The following SGCD variants were observed in gnomAD, a reference collection of about 807,000 sequenced individuals.
SGCD encodes sarcoglycan delta.
In SGCD, 18 loss-of-function variants were observed where a neutral mutation model predicts 36.6. The observed-to-expected ratio is 0.49, with a 90% CI of 0.34 to 0.73. The LOEUF is 0.73. Ranked by LOEUF, SGCD falls within the 30% of genes least tolerant of loss-of-function variation. The pLI, the probability that SGCD is intolerant of heterozygous loss-of-function variation, is 0.01. For missense variants in SGCD, 387 were observed against 346.7 expected (o/e 1.12, Z -0.92); for synonymous variants, 133 against 130.6 (o/e 1.02, Z -0.12).
In SGCD at chr5:156,510,233, T is replaced by G. The variant is rs74906533; in HGVS notation, c.294+1531T>G. ...AACTGGAACCTATAGCATATTGTCT[T>G]GGGTACTTAAAGTACACAGAGTATT... On this transcript the variant is annotated intron_variant, in intron 4 of 8. Transcript: ENST00000337851. Among the ~76,000 whole-genome samples, 1,115 of 152,320 alleles carry G rather than the reference T, an allele frequency of 7.3e-3. 12 individuals are homozygous for G. Among genetic ancestry groups the G allele is most frequent in the African/African-American group, 0.025 (1,058 of 41,574 alleles).
chr5:156,477,952 C>T (rs771871039), intron 3 of SGCD, among the ~76,000 whole-genome samples: 12 of 151,926 alleles, frequency 7.9e-5, no homozygotes, highest in Non-Finnish European at 1.5e-4. Context: ...ATCAAACTGT[C>T]GTCACCATTT....
chr5:155,955,048 T>C (rs749264395), intron 1 of SGCD, among the ~76,000 whole-genome samples: 14 of 152,134 alleles, frequency 9.2e-5, no homozygotes, highest in Non-Finnish European at 1.6e-4. Flanking sequence ...CCATCCTACT[T>C]GCAGGAGGGT....
At chr5:156,087,449 G>A (rs999941533) in intron 1 of SGCD, among the ~76,000 whole-genome samples, 5 of 151,758 alleles carry the variant, frequency 3.3e-5, no homozygotes, top group Admixed American at 2.6e-4. Flanking sequence ...GACCAGCCTC[G>A]CCAACATGGT....
At chr5:155,777,599 A>G in the SGCD span, among the ~76,000 whole-genome samples, 50 of 152,108 alleles carry the variant, frequency 3.3e-4, no homozygotes, top group African/African-American at 1.2e-3. Context: ...TAAGCGACCT[A>G]TCCCACTGAG....
chr5:156,636,683 C>T (rs1451217579), intron 6 of SGCD, among the ~76,000 whole-genome samples: 1 of 152,116 alleles, frequency 6.6e-6, no homozygotes, highest in Non-Finnish European at 1.5e-5. Flanking sequence ...TAAGCAAAGG[C>T]AAGGACATGG....
chr5:156,518,558 C>T (rs1469968575), intron 4 of SGCD, among the ~76,000 whole-genome samples: 1 of 152,150 alleles, frequency 6.6e-6, no homozygotes, highest in Non-Finnish European at 1.5e-5. Flanking sequence ...CCATATGGCA[C>T]TTACTGTAAA....
intron 4 of SGCD, among the ~76,000 whole-genome samples, chr5:156,555,677 T>C (rs1269793125): frequency 2.9e-4 from 44 of 152,080 alleles, no homozygotes; most frequent in Non-Finnish European, 4.4e-5. Flanking sequence ...TGTTCTTTTT[T>C]TTTTTTCAAG....
the SGCD span, among the ~76,000 whole-genome samples, chr5:155,742,435 A>G: frequency 6.6e-6 from 1 of 152,206 alleles, no homozygotes; most frequent in Non-Finnish European, 1.5e-5. Context: ...GAAGCAGTAA[A>G]TACTTACCCA....
chr5:156,536,494 G>A (rs1388906667), intron 4 of SGCD, among the ~76,000 whole-genome samples: 1 of 152,172 alleles, frequency 6.6e-6, no homozygotes, highest in Non-Finnish European at 1.5e-5. Flanking sequence ...ATAAATGTAC[G>A]ATTAATGTAT....
chr5:155,923,117 C>T (rs1638320015), intron 1 of SGCD, among the ~76,000 whole-genome samples: 1 of 152,114 alleles, frequency 6.6e-6, no homozygotes, highest in Non-Finnish European at 1.5e-5. Flanking sequence ...TCATACTACG[C>T]AAAGGTGAGC....
At chr5:156,074,974 T>G (rs1760727530) in intron 1 of SGCD, among the ~76,000 whole-genome samples, 1 of 152,248 alleles carries the variant, frequency 6.6e-6, no homozygotes, top group Non-Finnish European at 1.5e-5. Flanking sequence ...TGTGACAAAC[T>G]GTCTTTTAAA....
intron 7 of SGCD, among the ~76,000 whole-genome samples, chr5:156,708,082 G>C (rs901129361): frequency 6.6e-6 from 1 of 152,084 alleles, no homozygotes; most frequent in African/African-American, 2.4e-5. Flanking sequence ...GGGTTACTTG[G>C]TGTTACTTGT....
chr5:156,312,470 T>A (rs191858870), intron 3 of SGCD, among the ~76,000 whole-genome samples: 2 of 152,318 alleles, frequency 1.3e-5, no homozygotes, highest in Admixed American at 1.3e-4. Flanking sequence ...TACAAAGTGC[T>A]ATTAAAATTA....
chr5:156,078,440 G>A (rs555576794), intron 1 of SGCD, among the ~76,000 whole-genome samples: 95 of 150,422 alleles, frequency 6.3e-4, no homozygotes, highest in African/African-American at 2.3e-3. Context: ...TTGAACTTGG[G>A]AGGCAGAGGT....
At chr5:155,866,174 T>A (rs1250625924), upstream of SGCD, among the ~76,000 whole-genome samples, 7 of 152,166 alleles carry the variant, frequency 4.6e-5, no homozygotes, top group Non-Finnish European at 2.9e-5. Flanking sequence ...ATATGATTAA[T>A]CATTTTTACT....
At position 156,757,650 on chromosome 5, in the gene SGCD, C is replaced by A; in HGVS notation, c.645C>A (p.Gly215=). The change falls in exon 8 of 9, where the codon GGC becomes GGA. Residue 215 remains glycine, a synonymous_variant. Coordinates refer to ENST00000337851, the MANE Select transcript of SGCD (RefSeq NM_000337.6). ...GAGTGGAAATCAATGCAGAAGCTGG[C>A]AATATGGAAGCCACCTGCAGGACAG... is the stretch of plus-strand genomic sequence containing the variant. ...PKGVEINAEA[G]NMEATCRTEL... 1 of 1,610,444 alleles carries A rather than the reference C, an allele frequency of 6.2e-7. No homozygotes were observed. Among genetic ancestry groups the A allele is most frequent in the Non-Finnish European group, 8.5e-7 (1 of 1,178,422 alleles).
chr5:156,444,916 T>C (rs1753697642), intron 3 of SGCD, among the ~76,000 whole-genome samples: 1 of 152,186 alleles, frequency 6.6e-6, no homozygotes, highest in Non-Finnish European at 1.5e-5. Context: ...TAAGTAGTTT[T>C]ACAGATGGTG....
chr5:156,444,711 G>A (rs772318738), intron 3 of SGCD, among the ~76,000 whole-genome samples: 32 of 152,022 alleles, frequency 2.1e-4, no homozygotes, highest in Non-Finnish European at 4.3e-4. Flanking sequence ...TAGACATTAT[G>A]GTTAATTTCA....
chr5:156,188,702 T>C (rs1763822607), intron 3 of SGCD, among the ~76,000 whole-genome samples: 1 of 135,912 alleles, frequency 7.4e-6, no homozygotes, highest in Non-Finnish European at 1.6e-5. Flanking sequence ...AATCCCTCTC[T>C]ACATGCACAA....
Sources: gnomAD v4.1 joint callset for allele counts (sites outside exome capture counted in the v4.1 genomes callset) on GRCh38, gnomAD v4.1.1 for gene constraint, MANE v1.5 for transcripts, NCBI Gene and HGNC (gene_info 2026-07-23, HGNC 2026-07-21) for gene names.